Variants in PATJ observed in about 807,000 individuals in gnomAD.
PATJ encodes inaD-like protein.
A neutral mutation model predicts 224.9 loss-of-function variants in PATJ; 190 were observed. The observed-to-expected ratio is 0.84, with a 90% CI of 0.75 to 0.95. The LOEUF is 0.95. Ranked by LOEUF, PATJ falls within the 40% of genes least tolerant of loss-of-function variation. The probability of loss-of-function intolerance (pLI) is 0.00; values close to 1 mark genes in which losing one functional copy is unlikely to be tolerated. For missense variants in PATJ, 2,121 were observed against 2,270.3 expected (o/e 0.93, Z 1.34); for synonymous variants, 769 against 820.3 (o/e 0.94, Z 1.07).
In PATJ at chr1:61,848,766, G is replaced by A. The variant is rs142706364; in HGVS notation, c.2113-7264G>A. Among the ~76,000 whole-genome samples the A allele has an allele frequency of 4.0e-3, 616 of 152,162 alleles. 6 individuals carry two copies. The highest frequency in any genetic ancestry group is 0.014 in the African/African-American group (586 of 41,502). On this transcript the variant is annotated intron_variant, in intron 17 of 43. Coordinates refer to ENST00000642238, the MANE Select transcript of PATJ (RefSeq NM_001350145.3). ...CATTCTCTATTTTAGCAACTTCCTT[G>A]AGATGTTGCTTTGAAGATTAATTTA...
At chr1:61,762,952 T>C (rs767148874) in intron 2 of PATJ, 38 bp downstream of exon 2, 1 of 1,514,856 alleles carries the variant, frequency 6.6e-7, no homozygotes, top group South Asian at 1.2e-5. Context: ...AAATTAATTA[T>C]TTAAAAATGG....
At chr1:62,059,196 G>A (rs1311527397) in intron 31 of PATJ, among the ~76,000 whole-genome samples, 2 of 152,142 alleles carry the variant, frequency 1.3e-5, no homozygotes, top group African/African-American at 4.8e-5. Context: ...GTCAGCAGGG[G>A]TTGGCTGGCA....
At chr1:62,133,745 C>CT (rs113938436) in intron 41 of PATJ, among the ~76,000 whole-genome samples, 39,911 of 121,160 alleles carry the variant, frequency 0.33, 7,801 homozygotes, top group Non-Finnish European at 0.44. Context: ...CAAGAATTTG[C>CT]TTTTTTTTTT....
At chr1:61,771,177 T>C (rs1646584655) in intron 5 of PATJ, among the ~76,000 whole-genome samples, 1 of 152,018 alleles carries the variant, frequency 6.6e-6, no homozygotes, top group African/African-American at 2.4e-5. Context: ...CTATAGATTG[T>C]TTTTGTTTAT....
intron 32 of PATJ, among the ~76,000 whole-genome samples, chr1:62,081,919 C>T (rs908943812): frequency 9.9e-5 from 15 of 152,116 alleles, no homozygotes; most frequent in Admixed American, 5.2e-4. Flanking sequence ...CACTATCGTA[C>T]GTCATTTTTA....
intron 31 of PATJ, among the ~76,000 whole-genome samples, chr1:62,067,620 C>T (rs1227051722): frequency 6.6e-6 from 1 of 152,178 alleles, no homozygotes; most frequent in East Asian, 1.9e-4. Context: ...GGTCAAGAAG[C>T]TAGATCAAGT....
At chr1:61,765,331 T>C (rs1203982004) in intron 3 of PATJ, among the ~76,000 whole-genome samples, 3 of 151,470 alleles carry the variant, frequency 2.0e-5, no homozygotes, top group Non-Finnish European at 4.4e-5. Context: ...CCCACCTTGA[T>C]CTCCCAAAGT....
At chr1:62,135,284 AGGT>A (rs1666706554) in intron 41 of PATJ, among the ~76,000 whole-genome samples, 1 of 152,044 alleles carries the variant, frequency 6.6e-6, no homozygotes, top group Admixed American at 6.6e-5. Flanking sequence ...TGGGAGGCCG[AGGT>A]GGGGGGGATC....
chr1:61,948,264 G>T (rs1444943783), intron 27 of PATJ, among the ~76,000 whole-genome samples: 1 of 152,166 alleles, frequency 6.6e-6, no homozygotes, highest in Non-Finnish European at 1.5e-5. Flanking sequence ...ACTACCATCA[G>T]AGTGAACAGG....
chr1:62,008,310 C>T (rs1888984), intron 28 of PATJ, among the ~76,000 whole-genome samples: 10,373 of 152,222 alleles, frequency 0.068, 1,004 homozygotes, highest in African/African-American at 0.21. Flanking sequence ...CAGTTGTGTG[C>T]TGGCAAAGAT....
intron 37 of PATJ, among the ~76,000 whole-genome samples, chr1:62,119,520 G>GT (rs1664817377): frequency 6.6e-6 from 1 of 152,188 alleles, no homozygotes; most frequent in African/African-American, 2.4e-5. Flanking sequence ...GGGCCACCAA[G>GT]TGTCTTTTTT....
chr1:61,798,586 T>C (rs1023913680), intron 11 of PATJ, among the ~76,000 whole-genome samples: 5 of 152,182 alleles, frequency 3.3e-5, no homozygotes, highest in Non-Finnish European at 2.9e-5. Flanking sequence ...TTAGAATGAG[T>C]GAATTACTGG....
intron 34 of PATJ, among the ~76,000 whole-genome samples, chr1:62,112,244 G>A (rs958480729): frequency 6.6e-6 from 1 of 151,868 alleles, no homozygotes; most frequent in Non-Finnish European, 1.5e-5. Context: ...GGTGGCTCAC[G>A]CCTGTAATCC....
intron 33 of PATJ, among the ~76,000 whole-genome samples, chr1:62,102,837 G>A (rs1662355775): frequency 7.5e-6 from 1 of 133,720 alleles, no homozygotes; most frequent in South Asian, 2.4e-4. Flanking sequence ...TCCAGCCTGG[G>A]CAACAGAGCA....
intron 41 of PATJ, among the ~76,000 whole-genome samples, chr1:62,135,434 T>A (rs144513199): frequency 0.032 from 4,724 of 148,290 alleles, 93 homozygotes; most frequent in Non-Finnish European, 0.05. Context: ...GAGAATTGCT[T>A]GAACTCGGGA....
intron 1 of PATJ, among the ~76,000 whole-genome samples, chr1:61,761,984 G>A (rs563904685): frequency 1.4e-4 from 22 of 152,190 alleles, no homozygotes; most frequent in East Asian, 3.9e-4. Context: ...CAATGCGCCC[G>A]GCCACTCTGT....
intron 28 of PATJ, among the ~76,000 whole-genome samples, chr1:62,014,562 C>CTTTT (rs35711547): frequency 6.9e-4 from 58 of 84,542 alleles, no homozygotes; most frequent in African/African-American, 1.4e-3. Flanking sequence ...CTTTTCTTTC[C>CTTTT]TTTTTTTTTT....
In PATJ at chr1:61,824,367, C is replaced by G. The variant is rs376149729; in HGVS notation, c.1818+1288C>G. Among the ~76,000 whole-genome samples, 9 of 135,202 alleles carry G rather than the reference C, an allele frequency of 6.7e-5. No individual in the cohort carries two copies. In the South Asian group the frequency reaches 2.2e-3, roughly 33 times the overall value. The allele number at this position is 135,202 out of a possible 152,430, so 88.7% of individuals were successfully genotyped here. On this transcript the variant is annotated intron_variant, in intron 15 of 43. Transcript: ENST00000642238. The stretch of plus-strand genomic sequence containing the variant: ...TGTGTGAGCCACTGCACCCGGTCCA[C>G]TTTTTTTTTTTTTGGTGGCAAAATA...
In PATJ at chr1:61,864,572, G is replaced by A; in HGVS notation, c.2774G>A (p.Arg925Lys). 1 of 1,611,252 alleles carries A rather than the reference G, an allele frequency of 6.2e-7. No individual in the cohort carries two copies. Among genetic ancestry groups the A allele is most frequent in the Non-Finnish European group, 8.5e-7 (1 of 1,179,568 alleles). ...DNEPSESQEA[R>K]TGRTVYSQEA... Reference sequence around the variant, plus strand: ...GAACCATCCGAGTCTCAAGAGGCAAGAACCGGGAGGACTGTCTATTCCCAG... The same window carrying A: ...GAACCATCCGAGTCTCAAGAGGCAAAAACCGGGAGGACTGTCTATTCCCAG... The change falls in exon 20 of 44, where the codon AGA (arginine) becomes AAA (lysine). Residue 925 changes from arginine (R) to lysine (K), a missense_variant. By Grantham distance (26) the Arg-to-Lys change is conservative. Coordinates refer to ENST00000642238, the MANE Select transcript of PATJ (RefSeq NM_001350145.3).
Sources: allele counts gnomAD v4.1 joint callset (sites outside exome capture counted in the v4.1 genomes callset), GRCh38; gene constraint gnomAD v4.1.1; transcripts MANE v1.5; gene names NCBI Gene and HGNC (gene_info 2026-07-23, HGNC 2026-07-21).